Variants in INSL6 observed in about 807,000 individuals in gnomAD.
The protein encoded by INSL6 is insulin-like peptide INSL6.
In INSL6, 16 loss-of-function variants were observed where a neutral mutation model predicts 9.4. The observed-to-expected ratio is 1.70, with a 90% confidence interval of 1.15 to 2.59. The LOEUF (loss-of-function observed/expected upper bound fraction) is 2.59, where lower values mean the gene tolerates loss of function less well. Ranked by LOEUF, INSL6 falls within the 30% of genes most tolerant of loss-of-function variation. The pLI, the probability that INSL6 is intolerant of heterozygous loss-of-function variation, is 0.00. For synonymous variants in INSL6, 154 were observed against 96.9 expected (o/e 1.59, Z -3.46); for missense variants, 391 against 257.3 (o/e 1.52, Z -3.56).
downstream of INSL6, among the ~76,000 whole-genome samples, chr9:5,120,564 G>A (rs183078417): frequency 2.3e-4 from 35 of 152,260 alleles, no homozygotes; most frequent in African/African-American, 8.2e-4. Flanking sequence ...CTTAAATGTT[G>A]TAAAAAATCG....
At chr9:5,160,083 G>A (rs981976635), downstream of INSL6, among the ~76,000 whole-genome samples, 1 of 151,602 alleles carries the variant, frequency 6.6e-6, no homozygotes, top group Non-Finnish European at 1.5e-5. Context: ...GGCTGAGGCA[G>A]GAGAATCACT....
the INSL6 span, chr9:5,078,465 A>T: frequency 6.3e-7 from 1 of 1,593,100 alleles, no homozygotes; most frequent in Non-Finnish European, 8.6e-7. Flanking sequence ...GAAGGATTAT[A>T]TATAATGTTA....
downstream of INSL6, among the ~76,000 whole-genome samples, chr9:5,160,296 A>G (rs533877996): frequency 2.6e-5 from 4 of 152,252 alleles, no homozygotes; most frequent in East Asian, 1.9e-4. Context: ...AACAAAAGGA[A>G]TTTTGGAAAC....
chr9:5,095,441 T>C, the INSL6 span, among the ~76,000 whole-genome samples: 5 of 152,296 alleles, frequency 3.3e-5, no homozygotes, highest in Admixed American at 2.0e-4. Context: ...ATTCTCATGA[T>C]GGGTATCCTT....
At chr9:5,106,970 T>A in the INSL6 span, among the ~76,000 whole-genome samples, 1 of 152,158 alleles carries the variant, frequency 6.6e-6, no homozygotes, top group African/African-American at 2.4e-5. Context: ...ACATGGCACA[T>A]GTATATCTAT....
the INSL6 span, among the ~76,000 whole-genome samples, chr9:5,105,463 C>T: frequency 1.6e-4 from 24 of 152,262 alleles, 1 homozygote; most frequent in Non-Finnish European, 2.6e-4. Flanking sequence ...TAGGAAGAAT[C>T]AATATCGTGA....
the INSL6 span, among the ~76,000 whole-genome samples, chr9:5,080,055 G>T: frequency 3.3e-5 from 5 of 152,138 alleles, no homozygotes; most frequent in African/African-American, 1.2e-4. Context: ...GATCTTGAAG[G>T]TCCCTTCTGG....
chr9:5,171,408 C>T (rs1586875353), intron 1 of INSL6, among the ~76,000 whole-genome samples: 1 of 152,178 alleles, frequency 6.6e-6, no homozygotes, highest in African/African-American at 2.4e-5. Context: ...GGATTCATTC[C>T]CTTGAAAACT....
rs1432181420 is a variant in INSL6, at chr9:5,151,922, G to A, written c.376+12257C>T. Among the ~76,000 whole-genome samples the A allele has an allele frequency of 2.6e-5, 4 of 151,882 alleles. No homozygotes were observed. In the South Asian group the frequency reaches 8.3e-4, roughly 31 times the overall value. On this transcript the variant is annotated intron_variant, in intron 2 of 3. Transcript: ENST00000649639. ...AATTTTACACATGAAGATACAGATA[G>A]GTTAAAAATAAAAGATTGGGAAAAT...
At chr9:5,033,868 C>T in the INSL6 span, among the ~76,000 whole-genome samples, 355 of 152,174 alleles carry the variant, frequency 2.3e-3, no homozygotes, top group South Asian at 0.012. Flanking sequence ...TCATAAAGAC[C>T]GGATCAAATT....
At chr9:5,006,934 G>C in the INSL6 span, among the ~76,000 whole-genome samples, 2 of 152,100 alleles carry the variant, frequency 1.3e-5, no homozygotes, top group Admixed American at 1.3e-4. Flanking sequence ...TATTCCTGTT[G>C]TCTTTTACAT....
At chr9:5,111,443 G>C in the INSL6 span, 4 of 393,794 alleles carry the variant, frequency 1.0e-5, no homozygotes, top group African/African-American at 8.4e-5. Flanking sequence ...GGTCCCGCCT[G>C]GTCTTCCATC....
the INSL6 span, chr9:5,080,743 A>C: frequency 4.0e-6 from 5 of 1,262,548 alleles, no homozygotes; most frequent in East Asian, 1.0e-4. Context: ...TATTTAATGA[A>C]TCATTACTAA....
chr9:5,126,112 AT>A, intron 3 of INSL6: 1 of 396,738 alleles, frequency 2.5e-6, no homozygotes. Flanking sequence ...TCCTCAGGGG[AT>A]TTGTGTTGAG....
At chr9:5,065,149 GT>G in the INSL6 span, 25 of 642,718 alleles carry the variant, frequency 3.9e-5, no homozygotes, top group African/African-American at 1.5e-4. Context: ...AATTTGACAA[GT>G]TTTTTTTAAA....
chr9:5,099,137 G>A, the INSL6 span: 2 of 152,188 alleles, frequency 1.3e-5, no homozygotes, highest in Non-Finnish European at 2.9e-5. Flanking sequence ...CTGCACTCAT[G>A]AACTATCCCC....
intron 3 of INSL6, among the ~76,000 whole-genome samples, chr9:5,129,552 T>G (rs1186254869): frequency 6.6e-6 from 1 of 152,150 alleles, no homozygotes; most frequent in Non-Finnish European, 1.5e-5. Flanking sequence ...GTTTGCTGTA[T>G]ATTAGAATAA....
the INSL6 span, chr9:5,097,236 A>G: frequency 2.6e-5 from 4 of 152,206 alleles, no homozygotes; most frequent in African/African-American, 9.6e-5. Context: ...CATTACAGCA[A>G]TCCTACTCCT....
chr9:5,115,761 G>C, the INSL6 span, among the ~76,000 whole-genome samples: 1 of 152,142 alleles, frequency 6.6e-6, no homozygotes, highest in African/African-American at 2.4e-5. Context: ...GTCCTTTGCA[G>C]GGACAAAGAT....
Sources: gnomAD v4.1 joint callset for allele counts (sites outside exome capture counted in the v4.1 genomes callset) on GRCh38, gnomAD v4.1.1 for gene constraint, MANE v1.5 for transcripts, NCBI Gene and HGNC (gene_info 2026-07-23, HGNC 2026-07-21) for gene names.